CASQ2: variants seen among roughly 807,000 people sequenced by gnomAD.
The protein encoded by CASQ2 is calsequestrin 2.
CASQ2 carries 49 observed loss-of-function variants against 46.5 expected under a neutral mutation model. That is an observed-to-expected ratio of 1.05 (90% CI 0.84 to 1.34). The LOEUF is 1.34. Among genes scored for constraint, CASQ2 ranks in the 40% most tolerant of loss-of-function variants. CASQ2 has a pLI of 0.00. For missense variants in CASQ2, 486 were observed against 481.3 expected (o/e 1.01, Z -0.09); for synonymous variants, 174 against 168.5 (o/e 1.03, Z -0.25).
intron 7 of CASQ2, among the ~76,000 whole-genome samples, chr1:115,718,404 T>C (rs1049474895): frequency 1.3e-5 from 2 of 152,218 alleles, no homozygotes; most frequent in African/African-American, 4.8e-5. Context: ...ATCCTGAAAC[T>C]ATATCCAAAT....
chr1:115,736,819 A>T (rs1398104098), intron 4 of CASQ2, among the ~76,000 whole-genome samples: 2 of 152,152 alleles, frequency 1.3e-5, no homozygotes, highest in Non-Finnish European at 1.5e-5. Context: ...CATCATTAAC[A>T]TGCAGGTAAT....
chr1:115,711,593 ATT>A (rs58007618), intron 8 of CASQ2, among the ~76,000 whole-genome samples: 44 of 147,618 alleles, frequency 3.0e-4, no homozygotes, highest in African/African-American at 1.0e-3. Flanking sequence ...TCATTTTAAG[ATT>A]TTTTTTTTTT....
chr1:115,761,502 G>C (rs1327688181), intron 1 of CASQ2, among the ~76,000 whole-genome samples: 2 of 94,910 alleles, frequency 2.1e-5, no homozygotes, highest in Non-Finnish European at 4.4e-5. Flanking sequence ...AGAAGGAGAA[G>C]AAGAAGAAGA....
chr1:115,703,937 G>T (rs1654286065), intron 9 of CASQ2, among the ~76,000 whole-genome samples: 1 of 151,776 alleles, frequency 6.6e-6, no homozygotes, highest in Non-Finnish European at 1.5e-5. Flanking sequence ...AAAAAAACTG[G>T]CCAGGAAAAC....
intron 2 of CASQ2, among the ~76,000 whole-genome samples, chr1:115,742,616 G>A (rs1329089677): frequency 6.6e-6 from 1 of 152,066 alleles, no homozygotes; most frequent in Non-Finnish European, 1.5e-5. Context: ...TGCCCAGCTT[G>A]TCCACCCAAA....
chr1:115,726,921 G>T, intron 6 of CASQ2, 71 bp downstream of exon 6: 1 of 1,303,388 alleles, frequency 7.7e-7, no homozygotes, highest in Non-Finnish European at 1.1e-6. Context: ...GGTCTGAAAT[G>T]TTAGCACAGA....
chr1:115,744,769 C>A, intron 2 of CASQ2, 59 bp downstream of exon 2: 1 of 1,143,266 alleles, frequency 8.7e-7, no homozygotes, highest in South Asian at 1.2e-5. Flanking sequence ...CTGTACTTTT[C>A]CTTTTGCAAG....
chr1:115,766,916 TAGA>T lies in CASQ2; in HGVS notation c.234+1389_234+1391del, dbSNP rs567460243. Among the ~76,000 whole-genome samples, 329 of 144,322 alleles carry T rather than the reference TAGA, an allele frequency of 2.3e-3. 1 individual carries two copies. Among genetic ancestry groups the T allele is most frequent in the African/African-American group, 7.5e-3 (299 of 39,666 alleles). 94.7% of individuals were successfully genotyped at this position (144,322 alleles called of 152,430 possible). ...ATAGATAGATAGATAGATAGATAGA[TAGA>T]AGGATGATAGAAAGATATTTCTTTT... On this transcript the variant is annotated intron_variant, in intron 1 of 10. Transcript: ENST00000261448.
At position 115,714,625 on chromosome 1, in the gene CASQ2, G is replaced by A. The variant is rs184726771; in HGVS notation, c.838+3215C>T. 1.8e-3 allele frequency among the ~76,000 whole-genome samples: 267 copies of A among 152,322 alleles called. 1 individual carries two copies. The highest frequency in any genetic ancestry group is 6.3e-3 in the African/African-American group (262 of 41,566). On this transcript the variant is annotated intron_variant, in intron 8 of 10. Transcript: ENST00000261448. ...CAAAGGAATGCAGAGGGACTGTTTT[G>A]CAGGAATGACATTCCTAGTCCTGCA...
Position 115,733,028 on chromosome 1 carries a change from G to C in CASQ2, c.533-54C>G, listed in dbSNP as rs1647841315. The C allele has an allele frequency of 3.1e-6, 4 of 1,291,718 alleles. No individual in the cohort carries two copies. In the South Asian group the frequency reaches 4.8e-5, roughly 15 times the overall value. The allele number at this position is 1,291,718 out of a possible 1,614,324, so 80.0% of individuals were successfully genotyped here. A position where few individuals can be genotyped will look rare whatever the true frequency, so the allele number is the denominator to read the frequency against. On this transcript the variant is annotated intron_variant, in intron 4 of 10. Transcript: ENST00000261448. ...AGACATTTTCAAGATGAACACAGAAGAATCTTCTTTTTAAATGGTGTAGAG... is the reference window on the plus strand; with the variant it reads ...AGACATTTTCAAGATGAACACAGAACAATCTTCTTTTTAAATGGTGTAGAG...
At chr1:115,715,323 G>C (rs544689210) in intron 8 of CASQ2, among the ~76,000 whole-genome samples, 2 of 152,208 alleles carry the variant, frequency 1.3e-5, no homozygotes, top group African/African-American at 4.8e-5. Context: ...AAAGACAAGA[G>C]AGTGCTCAGA....
At chr1:115,701,449 T>C in intron 10 of CASQ2, 23 bp from the exon 11 acceptor site, 1 of 1,497,166 alleles carries the variant, frequency 6.7e-7, no homozygotes, top group Non-Finnish European at 9.3e-7. Flanking sequence ...ACAAAATGAA[T>C]GAGTGGGTAA....
At chr1:115,722,020 T>C (rs1322523451) in intron 7 of CASQ2, among the ~76,000 whole-genome samples, 1 of 152,136 alleles carries the variant, frequency 6.6e-6, no homozygotes, top group Non-Finnish European at 1.5e-5. Flanking sequence ...GGAAAGTGGC[T>C]CCTCAGAGGT....
chr1:115,734,268 A>C (rs1243524813), intron 4 of CASQ2, among the ~76,000 whole-genome samples: 1 of 152,212 alleles, frequency 6.6e-6, no homozygotes, highest in African/African-American at 2.4e-5. Flanking sequence ...AGCAACACCT[A>C]AGCCATCTGT....
intron 9 of CASQ2, among the ~76,000 whole-genome samples, 170 bp downstream of exon 9, chr1:115,705,022 A>C (rs1196040581): frequency 2.0e-5 from 3 of 152,220 alleles, no homozygotes; most frequent in Non-Finnish European, 4.4e-5. Context: ...CAGGGTCAGC[A>C]CCAGGCCCCA....
chr1:115,740,483 C>T (rs1415224034), intron 3 of CASQ2, among the ~76,000 whole-genome samples: 1 of 152,192 alleles, frequency 6.6e-6, no homozygotes, highest in Non-Finnish European at 1.5e-5. Flanking sequence ...CTATGTATAA[C>T]TGGTAACAGA....
At chr1:115,739,262 C>T (rs1169740238) in intron 3 of CASQ2, among the ~76,000 whole-genome samples, 1 of 151,362 alleles carries the variant, frequency 6.6e-6, no homozygotes, top group African/African-American at 2.4e-5. Context: ...CGCCCACCAC[C>T]ATGCCCAGCT....
At chr1:115,714,985 A>G (rs757138377) in intron 8 of CASQ2, among the ~76,000 whole-genome samples, 10 of 152,230 alleles carry the variant, frequency 6.6e-5, no homozygotes, top group Non-Finnish European at 1.5e-4. Context: ...ACAGGTTCTT[A>G]CAACTTCAGG....
rs1014069220 is a variant in CASQ2, at chr1:115,701,147, G to A, written c.*94C>T. 5.6e-6 allele frequency: 9 copies of A among 1,597,252 alleles called. No homozygotes were observed. Among genetic ancestry groups the A allele is most frequent in the Admixed American group, 3.3e-5 (2 of 59,986 alleles). ...GATGGAAAAGGGAAAGGAGCTGGCT[G>A]GGTGTGGGGCAGAATTGCTTGCTGC... On this transcript the variant is annotated 3_prime_UTR_variant, in exon 11 of 11. Coordinates refer to ENST00000261448, the MANE Select transcript of CASQ2 (RefSeq NM_001232.4).
Sources: allele counts gnomAD v4.1 joint callset (sites outside exome capture counted in the v4.1 genomes callset), GRCh38; gene constraint gnomAD v4.1.1; transcripts MANE v1.5; gene names NCBI Gene and HGNC (gene_info 2026-07-23, HGNC 2026-07-21).